TAPBPL: variants seen among roughly 807,000 people sequenced by gnomAD.
TAPBPL encodes tapasin-related protein.
TAPBPL carries 32 observed loss-of-function variants against 44.8 expected under a neutral mutation model. The ratio of observed to expected loss-of-function variants is 0.71; its 90% CI spans 0.54 to 0.96. The LOEUF (loss-of-function observed/expected upper bound fraction) is 0.96. Among genes scored for constraint, TAPBPL ranks in the 40% least tolerant of loss-of-function variants. The pLI is 0.00. For missense variants in TAPBPL, 520 were observed against 586.6 expected (o/e 0.89, Z 1.17); for synonymous variants, 230 against 240.7 (o/e 0.96, Z 0.41).
At chr12:6,463,363 T>C, downstream of TAPBPL, 3 of 1,098,300 alleles carry the variant, frequency 2.7e-6, no homozygotes, top group Non-Finnish European at 3.3e-6. This position sits in a 1 kb window ranked among gnomAD's most constrained non-coding sequence, Gnocchi z 4.0. Context: ...CTTCTCTGCA[T>C]CCTGAGGATC....
At chr12:6,471,940 A>G in the TAPBPL span, among the ~76,000 whole-genome samples, 75 of 152,374 alleles carry the variant, frequency 4.9e-4, no homozygotes, top group Non-Finnish European at 9.7e-4. The surrounding 1 kb of genome is among the most constrained non-coding windows in gnomAD (Gnocchi z 4.0). Flanking sequence ...ACCGATTTCT[A>G]TATTTCACTC....
Position 6,452,327 on chromosome 12 carries a change from CG to C in TAPBPL, c.64+19del, listed in dbSNP as rs2136973993. The C allele has an allele frequency of 6.4e-7, 1 of 1,568,392 alleles. No homozygotes were observed. The highest frequency in any genetic ancestry group is 2.3e-5 in the East Asian group (1 of 43,468). On this transcript the variant is annotated intron_variant, in intron 1 of 6. Coordinates refer to ENST00000266556, the MANE Select transcript of TAPBPL (RefSeq NM_018009.5). ...AGCAGAAACCAGTGAGTCTGGGAGT[CG>C]GGGAGAGCTGGCTGGGAGAAGAGCT... is the stretch of plus-strand genomic sequence containing the variant.
rs763986685 is a variant in TAPBPL, at chr12:6,453,551, A to G, written c.400A>G (p.Thr134Ala). The G allele has an allele frequency of 6.2e-7, 1 of 1,614,090 alleles. No homozygotes were observed. Among genetic ancestry groups the G allele is most frequent in the South Asian group, 1.1e-5 (1 of 91,082 alleles). ...CCGCTACTTTCTCCAGATGACAGAG[A>G]CCACTGTTAAGACAGCAGCTTGGTT... The part of the protein sequence containing the change: ...ISRYFLQMTE[T>A]TVKTAAWFMA... The change falls in exon 3 of 7, where the codon ACC becomes GCC. Residue 134 changes from threonine to alanine, a missense_variant. Thr to Ala is a moderately conservative substitution (Grantham distance 58). Transcript: ENST00000266556. The surrounding 1 kb of genome is among the most constrained non-coding windows in gnomAD (Gnocchi z 4.8).
In TAPBPL at chr12:6,462,257, T is replaced by A; in HGVS notation, c.*108T>A. 1 of 977,398 alleles carries A rather than the reference T, an allele frequency of 1.0e-6. No homozygotes were observed. The highest frequency in any genetic ancestry group is 1.5e-6 in the Non-Finnish European group (1 of 667,804). 60.5% of individuals were successfully genotyped at this position (977,398 alleles called of 1,614,324 possible). A position where few individuals can be genotyped will look rare whatever the true frequency, so the allele number is the denominator to read the frequency against. On this transcript the variant is annotated 3_prime_UTR_variant, in exon 7 of 7. Coordinates refer to ENST00000266556, the MANE Select transcript of TAPBPL (RefSeq NM_018009.5). Reference sequence around the variant, plus strand: ...GCCAGTTTAATGGTAGGAATTTGTATTTTTTGCCTTTGTTCAGAATACATG... The same window carrying A: ...GCCAGTTTAATGGTAGGAATTTGTAATTTTTGCCTTTGTTCAGAATACATG...
At chr12:6,466,420 C>A, downstream of TAPBPL, 2 of 1,523,896 alleles carry the variant, frequency 1.3e-6, no homozygotes, top group Admixed American at 2.1e-5. Flanking sequence ...TGGTAGCACA[C>A]ACCTGTAGTC....
At chr12:6,463,216 C>T, downstream of TAPBPL, 1 of 1,426,734 alleles carries the variant, frequency 7.0e-7, no homozygotes, top group Non-Finnish European at 9.1e-7. The surrounding 1 kb of genome is among the most constrained non-coding windows in gnomAD (Gnocchi z 4.0). Flanking sequence ...AAGGGTGGTT[C>T]AAAGGGGAAT....
At position 6,453,140 on chromosome 12, in the gene TAPBPL, G is replaced by A. The variant is rs756986085; in HGVS notation, c.138G>A (p.Ala46=). Residue 46 remains alanine (A), a synonymous_variant, in exon 2 of 7, where the codon GCG becomes GCA. Transcript: ENST00000266556. This position sits in a 1 kb window ranked among gnomAD's most constrained non-coding sequence, Gnocchi z 4.8. The part of the protein sequence containing the change: ...VLDCFLAKDG[A]HRGALASSED... ...ACTGCTTCCTGGCGAAGGACGGTGC[G>A]CACCGTGGAGCTCTCGCCAGCAGTG... The A allele has an allele frequency of 2.3e-5, 37 of 1,596,946 alleles. No individual in the cohort carries two copies. The highest frequency in any genetic ancestry group is 3.5e-5 in the Admixed American group (2 of 56,350).
chr12:6,470,288 G>A (rs1945738354), downstream of TAPBPL, among the ~76,000 whole-genome samples: 1 of 152,072 alleles, frequency 6.6e-6, no homozygotes, highest in Admixed American at 6.5e-5. Context: ...GAGAGGAGAG[G>A]GTGCAATGAT....
intron 3 of TAPBPL, among the ~76,000 whole-genome samples, chr12:6,454,399 C>T (rs917614304): frequency 2.0e-5 from 3 of 152,126 alleles, no homozygotes; most frequent in African/African-American, 7.2e-5. Flanking sequence ...ACCTGAGAGA[C>T]GGTGGTTGCA....
chr12:6,464,473 A>G, downstream of TAPBPL: 1 of 1,543,638 alleles, frequency 6.5e-7, no homozygotes, highest in Non-Finnish European at 8.7e-7. Context: ...TACATTCTCA[A>G]GTAAAAAAGT....
At chr12:6,470,410 G>A, downstream of TAPBPL, 1 of 1,486,980 alleles carries the variant, frequency 6.7e-7, no homozygotes, top group South Asian at 1.2e-5. Flanking sequence ...GCGGCGCGCG[G>A]TGGTAGTTCC....
chr12:6,469,775 G>A (rs1366022770), downstream of TAPBPL, among the ~76,000 whole-genome samples: 1 of 152,198 alleles, frequency 6.6e-6, no homozygotes, highest in South Asian at 2.1e-4. Flanking sequence ...AAGATCATGC[G>A]AAGGGGGTGA....
chr12:6,460,640 G>A (rs1301305997), intron 5 of TAPBPL, among the ~76,000 whole-genome samples: 1 of 152,194 alleles, frequency 6.6e-6, no homozygotes. Flanking sequence ...TCCTTAGGTG[G>A]GAAGAGGTAG....
chr12:6,464,164 C>T (rs1246043779), downstream of TAPBPL: 2 of 1,430,270 alleles, frequency 1.4e-6, no homozygotes, highest in Non-Finnish European at 1.9e-6. Context: ...CACTCCCCTC[C>T]CTGCCCCTTC....
downstream of TAPBPL, chr12:6,470,703 T>G (rs1017586788): frequency 2.4e-5 from 19 of 784,168 alleles, no homozygotes; most frequent in Admixed American, 2.8e-4. Context: ...GCCTCCGCCT[T>G]TATTAGTGCT....
chr12:6,457,816 C>T (rs1179967605), intron 4 of TAPBPL, 72 bp downstream of exon 4: 1 of 1,418,882 alleles, frequency 7.0e-7, no homozygotes, highest in East Asian at 2.5e-5. Context: ...CAGATTGGGA[C>T]CCAAATGCAA....
At chr12:6,460,073 C>T (rs114424073) in intron 5 of TAPBPL, among the ~76,000 whole-genome samples, 3 of 151,714 alleles carry the variant, frequency 2.0e-5, no homozygotes, top group South Asian at 2.1e-4. Flanking sequence ...CCCTGCCTGT[C>T]GAGAGGTTTT....
At chr12:6,462,460 T>G, downstream of TAPBPL, 1 of 494,462 alleles carries the variant, frequency 2.0e-6, no homozygotes, top group Non-Finnish European at 3.6e-6. Flanking sequence ...CAGCTTCATT[T>G]GACTGCAAAG....
downstream of TAPBPL, chr12:6,462,733 A>G: frequency 7.8e-7 from 1 of 1,287,992 alleles, no homozygotes; most frequent in South Asian, 1.5e-5. Flanking sequence ...GTTCTTCTCC[A>G]GCGGTGACCC....
Sources: gnomAD v4.1 joint callset for allele counts (sites outside exome capture counted in the v4.1 genomes callset) on GRCh38, gnomAD v4.1.1 for gene constraint, Gnocchi (gnomAD v3.1) non-coding constraint, MANE v1.5 for transcripts, NCBI Gene and HGNC (gene_info 2026-07-23, HGNC 2026-07-21) for gene names.